The following PDE10A variants were observed in gnomAD, a reference collection of about 807,000 sequenced individuals.
PDE10A encodes the protein cAMP and cAMP-inhibited cGMP 3',5'-cyclic phosphodiesterase 10A.
In PDE10A, 39 loss-of-function variants were observed where a neutral mutation model predicts 97.7. The observed-to-expected ratio is 0.40, with a 90% CI of 0.31 to 0.52. The LOEUF (loss-of-function observed/expected upper bound fraction) is 0.52, where lower values mean the gene tolerates loss of function less well. Among genes scored for constraint, PDE10A ranks in the 20% least tolerant of loss-of-function variants. The probability of loss-of-function intolerance (pLI) is 0.56; values close to 1 mark genes in which losing one functional copy is unlikely to be tolerated. For missense variants in PDE10A, 731 were observed against 1,047.8 expected (o/e 0.70, Z 4.17); for synonymous variants, 371 against 376.8 (o/e 0.98, Z 0.18).
intron 19 of PDE10A, among the ~76,000 whole-genome samples, chr6:165,340,020 A>T (rs1781886022): frequency 6.6e-6 from 1 of 151,420 alleles, no homozygotes; most frequent in Non-Finnish European, 1.5e-5. Flanking sequence ...TACAGGTAAT[A>T]GTTACTAAAG....
At chr6:165,609,957 C>G (rs1218392121) in intron 1 of PDE10A, among the ~76,000 whole-genome samples, 1 of 152,126 alleles carries the variant, frequency 6.6e-6, no homozygotes, top group Admixed American at 6.5e-5. Flanking sequence ...AGATTCAATG[C>G]CATCCCCATC....
chr6:165,409,351 A>G (rs866722291), intron 13 of PDE10A, among the ~76,000 whole-genome samples: 1 of 152,124 alleles, frequency 6.6e-6, no homozygotes, highest in Non-Finnish European at 1.5e-5. Flanking sequence ...GTTCGAGAAT[A>G]GCCTGGCCAA....
intron 1 of PDE10A, among the ~76,000 whole-genome samples, chr6:165,917,834 G>A (rs1322273750): frequency 6.6e-6 from 1 of 152,088 alleles, no homozygotes; most frequent in Non-Finnish European, 1.5e-5. Context: ...CCCCTCACGG[G>A]TTCTCTGAGC....
At chr6:165,482,577 C>T (rs537402356) in intron 2 of PDE10A, among the ~76,000 whole-genome samples, 1 of 152,304 alleles carries the variant, frequency 6.6e-6, no homozygotes, top group African/African-American at 2.4e-5. Flanking sequence ...CCTTACCTTT[C>T]TAGAGGTTCT....
chr6:165,524,503 A>G (rs1010634570), intron 2 of PDE10A, among the ~76,000 whole-genome samples: 1 of 152,324 alleles, frequency 6.6e-6, no homozygotes, highest in African/African-American at 2.4e-5. Context: ...GACTCTATAC[A>G]TAATACCTTT....
At chr6:165,487,256 T>C (rs1197970317) in intron 2 of PDE10A, among the ~76,000 whole-genome samples, 2 of 152,168 alleles carry the variant, frequency 1.3e-5, no homozygotes, top group Admixed American at 6.5e-5. Flanking sequence ...TCCAACAACC[T>C]GTCTTTGTGA....
At chr6:165,495,510 A>G (rs1444337300) in intron 2 of PDE10A, among the ~76,000 whole-genome samples, 1 of 151,740 alleles carries the variant, frequency 6.6e-6, no homozygotes, top group Admixed American at 6.6e-5. Context: ...TTTCCCTATT[A>G]AGTCAATTTT....
chr6:165,382,937 G>C (rs1785027583), intron 17 of PDE10A, among the ~76,000 whole-genome samples: 1 of 152,112 alleles, frequency 6.6e-6, no homozygotes, highest in African/African-American at 2.4e-5. Flanking sequence ...TACCAGTACA[G>C]GTAGTGTTGA....
intron 1 of PDE10A, among the ~76,000 whole-genome samples, chr6:165,631,024 A>G (rs1299600762): frequency 1.3e-5 from 2 of 152,220 alleles, no homozygotes; most frequent in Non-Finnish European, 2.9e-5. Context: ...TGCCAAAAAC[A>G]ACTAGAATTA....
chr6:165,495,063 T>A (rs1040321056), intron 2 of PDE10A, among the ~76,000 whole-genome samples: 1 of 152,184 alleles, frequency 6.6e-6, no homozygotes, highest in Non-Finnish European at 1.5e-5. Flanking sequence ...CACCAGCCAT[T>A]TCTAGCATCT....
chr6:165,654,050 T>C (rs1255069682), intron 1 of PDE10A, among the ~76,000 whole-genome samples: 1 of 152,170 alleles, frequency 6.6e-6, no homozygotes, highest in African/African-American at 2.4e-5. Context: ...ACCACCCCAA[T>C]TGGACTCTAC....
At chr6:165,864,918 A>G (rs1333070452) in intron 1 of PDE10A, among the ~76,000 whole-genome samples, 1 of 152,254 alleles carries the variant, frequency 6.6e-6, no homozygotes, top group African/African-American at 2.4e-5. Flanking sequence ...CAAGTAAGTT[A>G]AAATGTTAAT....
At chr6:165,941,781 A>C (rs1472078812) in intron 1 of PDE10A, among the ~76,000 whole-genome samples, 1 of 152,188 alleles carries the variant, frequency 6.6e-6, no homozygotes, top group African/African-American at 2.4e-5. Flanking sequence ...CTGTGGGTCA[A>C]TTAAACCTCT....
At chr6:165,355,344 G>A (rs527626740) in intron 18 of PDE10A, among the ~76,000 whole-genome samples, 1 of 152,168 alleles carries the variant, frequency 6.6e-6, no homozygotes, top group South Asian at 2.1e-4. Flanking sequence ...CAGAAACCTC[G>A]TTTTCTAGTC....
intron 2 of PDE10A, among the ~76,000 whole-genome samples, chr6:165,494,467 T>C (rs1470977045): frequency 1.4e-5 from 2 of 139,408 alleles, no homozygotes; most frequent in Non-Finnish European, 3.1e-5. Flanking sequence ...GGGGGGGGTG[T>C]GTGTGTGTGT....
chr6:165,389,322 G>A (rs1785519220), intron 16 of PDE10A, among the ~76,000 whole-genome samples: 1 of 152,174 alleles, frequency 6.6e-6, no homozygotes, highest in Non-Finnish European at 1.5e-5. Context: ...AGATCAGTGA[G>A]GAGGTTTCTA....
At chr6:165,957,840 T>C (rs1180566810) in intron 1 of PDE10A, among the ~76,000 whole-genome samples, 1 of 152,194 alleles carries the variant, frequency 6.6e-6, no homozygotes, top group Non-Finnish European at 1.5e-5. Flanking sequence ...TTGTTCTATC[T>C]CAATTTGAAA....
At position 165,531,670 on chromosome 6, in the gene PDE10A, C is replaced by G. The variant is rs1266301463; in HGVS notation, c.994+11770G>C. The stretch of plus-strand genomic sequence containing the variant: ...TAAATGTACCTATAAATCCCACATC[C>G]AAAACAACCACAATCACATATTTTA... On this transcript the variant is annotated intron_variant, in intron 2 of 21. Coordinates refer to ENST00000539869, the MANE Select transcript of PDE10A (RefSeq NM_001385079.1). Among the ~76,000 whole-genome samples the G allele has an allele frequency of 1.3e-5, 2 of 152,060 alleles. 1 individual carries two copies. Among genetic ancestry groups the G allele is most frequent in the East Asian group, 3.9e-4 (2 of 5,182 alleles).
At chr6:165,435,158 A>G (rs1789905480) in intron 6 of PDE10A, 79 bp downstream of exon 6, 1 of 1,196,218 alleles carries the variant, frequency 8.4e-7, no homozygotes, top group African/African-American at 1.5e-5. Flanking sequence ...TTTAAATTAT[A>G]ACATCAAAAT....
Sources: allele counts gnomAD v4.1 joint callset (sites outside exome capture counted in the v4.1 genomes callset), GRCh38; gene constraint gnomAD v4.1.1; transcripts MANE v1.5; gene names NCBI Gene and HGNC (gene_info 2026-07-23, HGNC 2026-07-21).